SRGAP2: variants seen among roughly 807,000 people sequenced by gnomAD.
The protein encoded by SRGAP2 is SLIT-ROBO Rho GTPase activating protein 2.
In SRGAP2, 15 loss-of-function variants were observed where a neutral mutation model predicts 57.2. The ratio of observed to expected loss-of-function variants is 0.26; its 90% CI spans 0.18 to 0.40. SRGAP2 has a LOEUF of 0.40. SRGAP2 is among the 10% of genes least tolerant of loss of function. SRGAP2 has a pLI of 1.00. For synonymous variants in SRGAP2, 249 were observed against 248.0 expected, an observed-to-expected ratio of 1.00 and a Z score of -0.04; for missense variants, 520 against 669.6, an observed-to-expected ratio of 0.78 and a Z score of 2.47.
At chr1:206,227,607 C>G (rs1402563023) in intron 2 of SRGAP2, among the ~76,000 whole-genome samples, 3 of 151,932 alleles carry the variant, frequency 2.0e-5, no homozygotes, top group Non-Finnish European at 4.4e-5. Context: ...GGCAATTTAT[C>G]TTATCTGTAC....
At chr1:206,213,486 T>G (rs1216304006) in intron 2 of SRGAP2, 5 of 268,246 alleles carry the variant, frequency 1.9e-5, no homozygotes, top group Non-Finnish European at 2.9e-5. Context: ...CAAGACAATC[T>G]CCAAGGAAAG....
chr1:206,458,757 T>G lies in SRGAP2; in HGVS notation c.2642T>G (p.Met881Arg). 1 of 780,818 alleles carries G rather than the reference T, an allele frequency of 1.3e-6. No homozygotes were observed. 48.4% of individuals were successfully genotyped at this position (780,818 alleles called of 1,614,324 possible). A position where few individuals can be genotyped will look rare whatever the true frequency, so the allele number is the denominator to read the frequency against. Residue 881 changes from methionine (M) to arginine (R), a missense_variant, in exon 22 of 23, where the codon ATG becomes AGG. Coordinates refer to ENST00000573034, the MANE Select transcript of SRGAP2 (RefSeq NM_015326.5). ...ASCRPSSQPI[M>R]SQSLPKEGPD... ...TGCCGCCCATCCTCCCAGCCCATCA[T>G]GAGCCAGAGCCTCCCCAAAGAAGGG... is the stretch of plus-strand genomic sequence containing the variant.
intron 3 of SRGAP2, among the ~76,000 whole-genome samples, chr1:206,318,424 A>T (rs1673203719): frequency 6.6e-6 from 1 of 152,014 alleles, no homozygotes; most frequent in Admixed American, 6.5e-5. Flanking sequence ...CATTGACTGG[A>T]TTTGTCAGTC....
At chr1:206,312,425 C>T (rs1396453885) in intron 3 of SRGAP2, among the ~76,000 whole-genome samples, 1 of 152,108 alleles carries the variant, frequency 6.6e-6, no homozygotes, top group Non-Finnish European at 1.5e-5. Flanking sequence ...CTTTTGGACA[C>T]CTCCTCCCCT....
rs781806533 is a variant in SRGAP2 at position 206,458,815 on chromosome 1, C to T, written c.2700C>T (p.Ser900=). Reference sequence around the variant, plus strand: ...AGTGTTCCATCAGTGGGCACGGGAGCCTCAACTCCATCAGCCGCCACTCAT... The same window carrying T: ...AGTGTTCCATCAGTGGGCACGGGAGTCTCAACTCCATCAGCCGCCACTCAT... ...PDKCSISGHG[S]LNSISRHSSL... Residue 900 remains serine, a synonymous_variant, in exon 22 of 23, where the codon AGC becomes AGT. Transcript: ENST00000573034. The T allele has an allele frequency of 1.3e-6, 1 of 780,800 alleles. No homozygotes were observed. The highest frequency in any genetic ancestry group is 2.4e-6 in the Non-Finnish European group (1 of 417,960). 48.4% of individuals were successfully genotyped at this position (780,800 alleles called of 1,614,324 possible). A position where few individuals can be genotyped will look rare whatever the true frequency, so the allele number is the denominator to read the frequency against.
At chr1:206,225,902 G>C (rs1281558907) in intron 2 of SRGAP2, among the ~76,000 whole-genome samples, 2 of 152,162 alleles carry the variant, frequency 1.3e-5, no homozygotes, top group Non-Finnish European at 2.9e-5. Context: ...GGGAATGAAA[G>C]AAAAGTCAAG....
intron 4 of SRGAP2, among the ~76,000 whole-genome samples, chr1:206,370,433 G>A (rs1183176485): frequency 6.6e-6 from 1 of 152,138 alleles, no homozygotes; most frequent in Non-Finnish European, 1.5e-5. Context: ...AAAGAAGGAA[G>A]TGCTGATACA....
Position 206,203,665 on chromosome 1 carries a change from C to T in SRGAP2, c.-543+15C>T. 1 of 630,826 alleles carries T rather than the reference C, an allele frequency of 1.6e-6. No individual in the cohort carries two copies. The highest frequency in any genetic ancestry group is 2.8e-5 in the East Asian group (1 of 36,162). 39.1% of individuals were successfully genotyped at this position (630,826 alleles called of 1,614,324 possible). On this transcript the variant is annotated intron_variant, in intron 1 of 22. Coordinates refer to ENST00000573034, the MANE Select transcript of SRGAP2 (RefSeq NM_015326.5). ...GTCAGAGCCAGGTAAAGGCTCCTTC[C>T]CTCTTCCTTTTCTTCCTCCCGGCCG...
chr1:206,256,560 A>G (rs1669196655), intron 2 of SRGAP2, among the ~76,000 whole-genome samples: 1 of 149,264 alleles, frequency 6.7e-6, no homozygotes, highest in African/African-American at 2.5e-5. Flanking sequence ...GAATGTAGAC[A>G]CTTGGAATCC....
At chr1:206,342,107 G>A (rs1465915189) in intron 3 of SRGAP2, among the ~76,000 whole-genome samples, 2 of 152,108 alleles carry the variant, frequency 1.3e-5, no homozygotes, top group Admixed American at 6.5e-5. Context: ...GATTGTATGG[G>A]ACATGAGATC....
intron 2 of SRGAP2, among the ~76,000 whole-genome samples, chr1:206,222,970 C>A (rs1553305017): frequency 6.6e-6 from 1 of 151,266 alleles, no homozygotes; most frequent in Non-Finnish European, 1.5e-5. Flanking sequence ...GACGGGGTTT[C>A]ACTGTGTTGG....
At chr1:206,327,928 G>C (rs1379122829) in intron 3 of SRGAP2, among the ~76,000 whole-genome samples, 2 of 102,570 alleles carry the variant, frequency 1.9e-5, no homozygotes, top group Non-Finnish European at 3.7e-5. Flanking sequence ...TCTAGCATTA[G>C]GTATATCTCC....
intron 2 of SRGAP2, among the ~76,000 whole-genome samples, chr1:206,263,476 G>A (rs1553314049): frequency 2.0e-5 from 3 of 151,954 alleles, no homozygotes; most frequent in African/African-American, 7.3e-5. Context: ...TTGTGAGCAG[G>A]TGGAACCTCT....
At chr1:206,303,869 G>GTCTC (rs1280432631) in intron 3 of SRGAP2, among the ~76,000 whole-genome samples, 3 of 133,526 alleles carry the variant, frequency 2.2e-5, no homozygotes, top group Non-Finnish European at 4.9e-5. Flanking sequence ...CTTAATCTCT[G>GTCTC]TCTCTCTCTC....
chr1:206,220,782 A>G (rs1225668645), intron 2 of SRGAP2, among the ~76,000 whole-genome samples: 1 of 152,148 alleles, frequency 6.6e-6, no homozygotes, highest in Admixed American at 6.5e-5. Flanking sequence ...GGAGGAGGCT[A>G]TTGATGAAAC....
chr1:206,421,208 T>C (rs782066240), intron 12 of SRGAP2, 42 bp from the exon 13 acceptor site: 1 of 768,382 alleles, frequency 1.3e-6, no homozygotes, highest in Admixed American at 1.8e-5. Context: ...TTCTCCCTTG[T>C]TGCTGGATTG....
At chr1:206,376,071 C>T (rs1277152404) in intron 4 of SRGAP2, among the ~76,000 whole-genome samples, 1 of 147,032 alleles carries the variant, frequency 6.8e-6, no homozygotes, top group Admixed American at 6.8e-5. Flanking sequence ...TGCCCACAGT[C>T]GAACCATATC....
chr1:206,250,218 C>A (rs538706606), intron 2 of SRGAP2, among the ~76,000 whole-genome samples: 1 of 151,954 alleles, frequency 6.6e-6, no homozygotes, highest in Non-Finnish European at 1.5e-5. Flanking sequence ...ACTGTTTGGT[C>A]CACTTTTCTC....
intron 2 of SRGAP2, among the ~76,000 whole-genome samples, chr1:206,302,270 G>A (rs1553618434): frequency 0.62 from 86,143 of 137,970 alleles, 29,340 homozygotes; most frequent in African/African-American, 0.9. Flanking sequence ...CTCTGAGCTG[G>A]AAATCAGTCT....
Sources: gnomAD v4.1 joint callset for allele counts (sites outside exome capture counted in the v4.1 genomes callset) on GRCh38, gnomAD v4.1.1 for gene constraint, MANE v1.5 for transcripts, NCBI Gene and HGNC (gene_info 2026-07-23, HGNC 2026-07-21) for gene names.